The following DEPDC1B variants were observed in gnomAD, a reference collection of about 807,000 sequenced individuals.
DEPDC1B encodes DEP domain containing 1B.
In DEPDC1B, 51 loss-of-function variants were observed where a neutral mutation model predicts 66.5. That is an observed-to-expected ratio of 0.77 (90% CI 0.61 to 0.97). DEPDC1B has a LOEUF of 0.97. Ranked by LOEUF, DEPDC1B falls within the 50% of genes least tolerant of loss-of-function variation. DEPDC1B has a pLI of 0.00. For missense variants in DEPDC1B, 552 were observed against 637.1 expected (o/e 0.87, Z 1.44); for synonymous variants, 226 against 223.6 (o/e 1.01, Z -0.10).
intron 7 of DEPDC1B, among the ~76,000 whole-genome samples, chr5:60,609,573 T>G (rs1318964539): frequency 6.6e-6 from 1 of 152,202 alleles, no homozygotes; most frequent in African/African-American, 2.4e-5. Flanking sequence ...ATGAGGTTCC[T>G]GTCACCTGCA....
At chr5:60,650,735 G>A (rs1001856687) in intron 2 of DEPDC1B, among the ~76,000 whole-genome samples, 7 of 152,094 alleles carry the variant, frequency 4.6e-5, no homozygotes, top group Non-Finnish European at 7.4e-5. Flanking sequence ...ATTGCATCCC[G>A]GTTCAGCCTG....
chr5:60,658,953 T>C (rs746354571), intron 2 of DEPDC1B, among the ~76,000 whole-genome samples: 1 of 152,216 alleles, frequency 6.6e-6, no homozygotes, highest in Non-Finnish European at 1.5e-5. Context: ...CTGCTGTGCT[T>C]CTGATCCAGC....
chr5:60,611,060 C>G (rs1019958557), intron 7 of DEPDC1B, among the ~76,000 whole-genome samples: 2 of 152,172 alleles, frequency 1.3e-5, no homozygotes, highest in African/African-American at 2.4e-5. Flanking sequence ...TGTGGCAACC[C>G]TGTGTTAATC....
chr5:60,627,551 C>G (rs1752831976), intron 7 of DEPDC1B, among the ~76,000 whole-genome samples: 1 of 152,004 alleles, frequency 6.6e-6, no homozygotes, highest in African/African-American at 2.4e-5. Flanking sequence ...TCTACAATCT[C>G]AACATCATCA....
At chr5:60,637,669 T>C (rs1181014405) in intron 7 of DEPDC1B, among the ~76,000 whole-genome samples, 1 of 152,172 alleles carries the variant, frequency 6.6e-6, no homozygotes, top group African/African-American at 2.4e-5. Context: ...TTCTCCTCAG[T>C]TGGAGCCAAA....
At chr5:60,648,403 T>G (rs1213800942) in intron 2 of DEPDC1B, among the ~76,000 whole-genome samples, 2 of 152,218 alleles carry the variant, frequency 1.3e-5, no homozygotes, top group Non-Finnish European at 2.9e-5. Flanking sequence ...TTGCTCTTTG[T>G]TGAAGACCAT....
intron 2 of DEPDC1B, 76 bp from the exon 3 acceptor site, chr5:60,647,609 G>T: frequency 6.7e-7 from 1 of 1,486,484 alleles, no homozygotes; most frequent in East Asian, 2.4e-5. Flanking sequence ...TCTCCACTTT[G>T]GTGTATCTGA....
Position 60,599,915 on chromosome 5 carries a change from A to G in DEPDC1B, c.1243-655T>C, listed in dbSNP as rs573517806. ...CCCCTGATTTCCCACTCCACATTCT[A>G]TATTTGTGTGTGTGTGTGTGTGTGT... On this transcript the variant is annotated intron_variant, in intron 9 of 10. Coordinates refer to ENST00000265036, the MANE Select transcript of DEPDC1B (RefSeq NM_018369.3). Among the ~76,000 whole-genome samples, 778 of 79,122 alleles carry G rather than the reference A, an allele frequency of 9.8e-3. 11 individuals are homozygous for G. Among genetic ancestry groups the G allele is most frequent in the African/African-American group, 0.066 (738 of 11,140 alleles). 51.9% of individuals were successfully genotyped at this position (79,122 alleles called of 152,430 possible).
intron 7 of DEPDC1B, among the ~76,000 whole-genome samples, chr5:60,638,038 A>G (rs888826637): frequency 3.9e-5 from 6 of 152,290 alleles, no homozygotes; most frequent in African/African-American, 1.4e-4. Context: ...AATTCCTACA[A>G]CTTTACCTAA....
At chr5:60,687,384 T>C (rs1353350339) in intron 1 of DEPDC1B, among the ~76,000 whole-genome samples, 157 bp from the exon 2 acceptor site, 2 of 152,130 alleles carry the variant, frequency 1.3e-5, no homozygotes, top group Non-Finnish European at 2.9e-5. Context: ...CTTCAAACTC[T>C]AATAAAGAAA....
At chr5:60,663,759 C>T (rs1753774267) in intron 2 of DEPDC1B, among the ~76,000 whole-genome samples, 2 of 152,234 alleles carry the variant, frequency 1.3e-5, no homozygotes, top group South Asian at 2.1e-4. Context: ...CATTCAGAAA[C>T]CTTGTGCCAT....
intron 2 of DEPDC1B, among the ~76,000 whole-genome samples, chr5:60,675,118 C>T (rs555571892): frequency 6.6e-6 from 1 of 152,128 alleles, no homozygotes; most frequent in Non-Finnish European, 1.5e-5. Context: ...AGAAGACATG[C>T]CTGAGCCCTC....
intron 2 of DEPDC1B, among the ~76,000 whole-genome samples, chr5:60,663,460 C>T (rs1753767534): frequency 6.6e-6 from 1 of 152,192 alleles, no homozygotes; most frequent in Non-Finnish European, 1.5e-5. Context: ...CCCAGCTGTA[C>T]CTAACCCTTA....
intron 7 of DEPDC1B, among the ~76,000 whole-genome samples, chr5:60,618,378 G>A (rs1308602785): frequency 6.6e-6 from 1 of 152,080 alleles, no homozygotes; most frequent in Admixed American, 6.5e-5. Context: ...CAACAAAATT[G>A]ATAGACTGCT....
chr5:60,657,194 G>C (rs1030152059), intron 2 of DEPDC1B, among the ~76,000 whole-genome samples: 3 of 152,164 alleles, frequency 2.0e-5, no homozygotes, highest in African/African-American at 7.2e-5. Context: ...TATGTGTTAG[G>C]TGAGTCTCTT....
intron 7 of DEPDC1B, among the ~76,000 whole-genome samples, chr5:60,609,189 G>C (rs1454824044): frequency 1.3e-5 from 2 of 152,060 alleles, no homozygotes; most frequent in Non-Finnish European, 2.9e-5. Context: ...ATTCATCTCA[G>C]GAATTTATCT....
intron 7 of DEPDC1B, among the ~76,000 whole-genome samples, chr5:60,618,350 C>A (rs541141404): frequency 3.2e-4 from 48 of 152,218 alleles, no homozygotes; most frequent in African/African-American, 1.0e-3. Flanking sequence ...AATCCAGGAG[C>A]TGGTTTCTTG....
chr5:60,687,303 C>G, intron 1 of DEPDC1B, 76 bp from the exon 2 acceptor site: 1 of 1,497,772 alleles, frequency 6.7e-7, no homozygotes, highest in Non-Finnish European at 9.0e-7. Flanking sequence ...ATAATTAAAG[C>G]AAAGAATGCA....
chr5:60,609,861 A>T (rs1752380161), intron 7 of DEPDC1B, among the ~76,000 whole-genome samples: 1 of 152,192 alleles, frequency 6.6e-6, no homozygotes. Flanking sequence ...AAATTGAAAA[A>T]TTAATTCATA....
Sources: allele counts gnomAD v4.1 joint callset (sites outside exome capture counted in the v4.1 genomes callset), GRCh38; gene constraint gnomAD v4.1.1; transcripts MANE v1.5; gene names NCBI Gene and HGNC (gene_info 2026-07-23, HGNC 2026-07-21).